BCKDHB: variants seen among roughly 807,000 people sequenced by gnomAD.
BCKDHB encodes 2-oxoisovalerate dehydrogenase subunit beta, mitochondrial.
Under a neutral mutation model 48.5 loss-of-function variants are expected in BCKDHB, and 41 were observed. The observed-to-expected ratio is 0.85, with a 90% CI of 0.66 to 1.10. The LOEUF (loss-of-function observed/expected upper bound fraction) is 1.10. Among genes scored for constraint, BCKDHB ranks in the 50% least tolerant of loss-of-function variants. BCKDHB has a pLI of 0.00. For synonymous variants in BCKDHB, 201 were observed against 174.8 expected (o/e 1.15, Z -1.18); for missense variants, 496 against 494.2 (o/e 1.00, Z -0.03).
chr6:80,369,018 A>AG, the BCKDHB span, among the ~76,000 whole-genome samples: 55,469 of 95,584 alleles, frequency 0.58, 13,695 homozygotes, highest in East Asian at 0.77. Flanking sequence ...ATCTCAAAAA[A>AG]AAAAAAAACA....
the BCKDHB span, among the ~76,000 whole-genome samples, chr6:80,451,583 C>T: frequency 6.6e-6 from 1 of 151,942 alleles, no homozygotes; most frequent in East Asian, 1.9e-4. Flanking sequence ...CTAAAAAATA[C>T]AAAAATTAGT....
intron 3 of BCKDHB, among the ~76,000 whole-genome samples, chr6:80,147,012 G>A (rs976583895): frequency 6.6e-6 from 1 of 152,060 alleles, no homozygotes; most frequent in African/African-American, 2.4e-5. Flanking sequence ...ACACATACTT[G>A]CTACATTAAT....
rs17415876 is a variant in BCKDHB at position 80,244,058 on chromosome 6, A to G, written c.952-29077A>G. 3.8e-3 allele frequency among the ~76,000 whole-genome samples: 572 copies of G among 152,370 alleles called. 3 individuals carry two copies. Among genetic ancestry groups the G allele is most frequent in the Non-Finnish European group, 5.6e-3 (378 of 68,028 alleles). ...TACACTATTTCTTGAGGGCTGATCT[A>G]TAATCCTGAGTCTATAAAATCATAG... On this transcript the variant is annotated intron_variant, in intron 8 of 9. Transcript: ENST00000320393.
intron 8 of BCKDHB, among the ~76,000 whole-genome samples, chr6:80,213,375 T>G (rs1277041987): frequency 1.3e-5 from 2 of 152,214 alleles, no homozygotes; most frequent in Non-Finnish European, 2.9e-5. Flanking sequence ...AAAGGCAAAG[T>G]GAAATTGACT....
chr6:80,438,840 G>A, the BCKDHB span, among the ~76,000 whole-genome samples: 10 of 152,276 alleles, frequency 6.6e-5, no homozygotes, highest in Admixed American at 2.0e-4. Context: ...AAAATACAGT[G>A]GCTTAACAAA....
At chr6:80,437,395 C>A in the BCKDHB span, among the ~76,000 whole-genome samples, 1 of 151,982 alleles carries the variant, frequency 6.6e-6, no homozygotes, top group African/African-American at 2.4e-5. Context: ...TTGCAAAGAG[C>A]CTCATTTTTC....
chr6:80,209,428 C>A (rs2127838172), intron 8 of BCKDHB, among the ~76,000 whole-genome samples: 1 of 151,966 alleles, frequency 6.6e-6, no homozygotes, highest in East Asian at 1.9e-4. Context: ...ACTTAATTAT[C>A]AAATGTTGAG....
At chr6:80,142,138 C>T (rs1171805622) in intron 3 of BCKDHB, among the ~76,000 whole-genome samples, 1 of 151,962 alleles carries the variant, frequency 6.6e-6, no homozygotes, top group Admixed American at 6.6e-5. Flanking sequence ...GATTACAAGC[C>T]TGTTCTTTTG....
chr6:80,402,191 A>G, the BCKDHB span, among the ~76,000 whole-genome samples: 2 of 151,866 alleles, frequency 1.3e-5, no homozygotes, highest in Admixed American at 6.6e-5. Flanking sequence ...AAGGAACTCC[A>G]TACTTTTTTG....
At chr6:80,139,734 G>A (rs552366149) in intron 3 of BCKDHB, among the ~76,000 whole-genome samples, 21 of 152,166 alleles carry the variant, frequency 1.4e-4, no homozygotes, top group African/African-American at 4.8e-4. Context: ...AAGTCAGGTA[G>A]TGTGATGCCT....
intron 6 of BCKDHB, among the ~76,000 whole-genome samples, chr6:80,180,644 G>A (rs974000749): frequency 1.3e-5 from 2 of 152,014 alleles, no homozygotes; most frequent in Admixed American, 1.3e-4. Context: ...CGTAAAAATA[G>A]GACATAATGA....
Position 80,248,108 on chromosome 6 carries a change from C to T in BCKDHB, c.952-25027C>T, listed in dbSNP as rs142319228. On this transcript the variant is annotated intron_variant, in intron 8 of 9. Coordinates refer to ENST00000320393, the MANE Select transcript of BCKDHB (RefSeq NM_183050.4). ...CTAACTCTCTTACTGTACTCTTTTTCTCCCTTATCTAGTTTTCCTGCTCTC... is the reference window on the plus strand; with the variant it reads ...CTAACTCTCTTACTGTACTCTTTTTTTCCCTTATCTAGTTTTCCTGCTCTC... Among the ~76,000 whole-genome samples the T allele has an allele frequency of 6.6e-3, 1,011 of 152,276 alleles. 9 individuals carry two copies. Among genetic ancestry groups the T allele is most frequent in the Non-Finnish European group, 8.9e-3 (606 of 68,004 alleles).
rs1035616052 is a variant in BCKDHB, at chr6:80,119,867, A to G, written c.197-7680A>G. 3.4e-5 allele frequency among the ~76,000 whole-genome samples: 5 copies of G among 148,972 alleles called. No individual in the cohort carries two copies. In the East Asian group the frequency reaches 9.8e-4, roughly 29 times the overall value. Reference sequence around the variant, plus strand: ...AAACAATGTTAATCTTTTTTTTCCTATTTTTTTTTTCATTATACTTTAAGT... The same window carrying G: ...AAACAATGTTAATCTTTTTTTTCCTGTTTTTTTTTTCATTATACTTTAAGT... On this transcript the variant is annotated intron_variant, in intron 1 of 9. Coordinates refer to ENST00000320393, the MANE Select transcript of BCKDHB (RefSeq NM_183050.4).
chr6:80,230,029 T>TG, intron 8 of BCKDHB, among the ~76,000 whole-genome samples: 7 of 31,088 alleles, frequency 2.3e-4, no homozygotes, highest in African/African-American at 7.6e-4. Context: ...TTAGGTTGTT[T>TG]TTTTTTTTTT....
the BCKDHB span, among the ~76,000 whole-genome samples, chr6:80,409,034 A>T: frequency 1.3e-5 from 2 of 152,084 alleles, no homozygotes; most frequent in Non-Finnish European, 2.9e-5. Flanking sequence ...CCCTCTATAC[A>T]GTGCTTTAAA....
At chr6:80,335,391 GT>G in intron 9 of BCKDHB, among the ~76,000 whole-genome samples, 1 of 152,086 alleles carries the variant, frequency 6.6e-6, no homozygotes, top group South Asian at 2.1e-4. Flanking sequence ...AGTCGCTTAT[GT>G]TTATCATTAT....
intron 8 of BCKDHB, among the ~76,000 whole-genome samples, chr6:80,243,027 G>T (rs954205930): frequency 6.6e-6 from 1 of 152,128 alleles, no homozygotes; most frequent in East Asian, 1.9e-4. Flanking sequence ...ATCGGGAAAC[G>T]ACTCAGGCAT....
chr6:80,298,323 G>T (rs1325774825), intron 9 of BCKDHB, among the ~76,000 whole-genome samples: 2 of 152,050 alleles, frequency 1.3e-5, no homozygotes, highest in Admixed American at 1.3e-4. Context: ...ATGTTGGCCA[G>T]GCTGGTCACA....
chr6:80,106,995 C>T, intron 1 of BCKDHB, 106 bp downstream of exon 1: 5 of 1,366,976 alleles, frequency 3.7e-6, no homozygotes, highest in Admixed American at 2.0e-5. Context: ...TGCATCCCAG[C>T]TTATTAACTT....
Sources: gnomAD v4.1 joint callset for allele counts (sites outside exome capture counted in the v4.1 genomes callset) on GRCh38, gnomAD v4.1.1 for gene constraint, MANE v1.5 for transcripts, NCBI Gene and HGNC (gene_info 2026-07-23, HGNC 2026-07-21) for gene names.